The following ATP11A variants were observed in gnomAD, a reference collection of about 807,000 sequenced individuals.
The protein encoded by ATP11A is phospholipid-transporting ATPase IH.
Under a neutral mutation model 154.4 loss-of-function variants are expected in ATP11A, and 81 were observed. The observed-to-expected ratio is 0.52, with a 90% CI of 0.44 to 0.63. The LOEUF (loss-of-function observed/expected upper bound fraction) is 0.63, where lower values mean the gene tolerates loss of function less well. ATP11A is among the 30% of genes least tolerant of loss of function. The pLI is 0.00. For synonymous variants in ATP11A, 623 were observed against 585.9 expected (o/e 1.06, Z -0.91); for missense variants, 1,316 against 1,474.3 (o/e 0.89, Z 1.76).
At position 112,881,861 on chromosome 13, in the gene ATP11A, C is replaced by T; in HGVS notation, c.*10-15C>T. ...GGACCGCGACTCAGAATTCACCCCT[C>T]TTGCCTCTCTGCAGAGCCCAGGCTA... On this transcript the variant is annotated splice_polypyrimidine_tract_variant and intron_variant, in intron 29 of 29. Transcript: ENST00000375645. 1 of 1,367,778 alleles carries T rather than the reference C, an allele frequency of 7.3e-7. No homozygotes were observed. 84.7% of individuals were successfully genotyped at this position (1,367,778 alleles called of 1,614,324 possible).
rs758106118 is a variant in ATP11A, at chr13:112,859,886, T to C, written c.2728-401T>C. ...TTCCCATCCGGGAGGGGTGAAGGAC[T>C]CCCCGGGCATCTGCCCTAGATGGAC... is the stretch of plus-strand genomic sequence containing the variant. On this transcript the variant is annotated intron_variant, in intron 23 of 29. Coordinates refer to ENST00000375645, the MANE Select transcript of ATP11A (RefSeq NM_015205.3). The surrounding 1 kb of genome is among the most constrained non-coding windows in gnomAD (Gnocchi z 4.3). 9.9e-5 allele frequency among the ~76,000 whole-genome samples: 15 copies of C among 152,202 alleles called. No individual in the cohort carries two copies. Among genetic ancestry groups the C allele is most frequent in the Non-Finnish European group, 2.1e-4 (14 of 68,036 alleles).
intron 1 of ATP11A, among the ~76,000 whole-genome samples, chr13:112,694,721 C>T (rs1486073665): frequency 6.6e-6 from 1 of 152,140 alleles, no homozygotes; most frequent in African/African-American, 2.4e-5. Context: ...CCTGTCAGAG[C>T]TTCTGCTTGT....
chr13:112,877,333 G>C (rs573808428), intron 28 of ATP11A, among the ~76,000 whole-genome samples: 2 of 152,348 alleles, frequency 1.3e-5, no homozygotes, highest in East Asian at 3.9e-4. Flanking sequence ...CCGAGAAGCA[G>C]CTGTCCAGTG....
chr13:112,735,430 G>A (rs186476722), intron 1 of ATP11A, among the ~76,000 whole-genome samples: 1 of 152,312 alleles, frequency 6.6e-6, no homozygotes, highest in Admixed American at 6.5e-5. Flanking sequence ...ACCCACAGCC[G>A]TGATTTCTAC....
Position 112,696,945 on chromosome 13 carries a change from T to G in ATP11A, c.39+6490T>G, listed in dbSNP as rs1885902043. ...TGGGGTGCCCCGCAGGCGACGGTGC[T>G]GAGAAAAAGAGAGTGGGGTTGGGGG... On this transcript the variant is annotated intron_variant, in intron 1 of 29. Transcript: ENST00000375645. This position sits in a 1 kb window ranked among gnomAD's most constrained non-coding sequence, Gnocchi z 6.2. The G allele has an allele frequency of 6.6e-6, 1 of 151,880 alleles. No homozygotes were observed. 9.4% of individuals were successfully genotyped at this position (151,880 alleles called of 1,614,324 possible).
intron 1 of ATP11A, among the ~76,000 whole-genome samples, chr13:112,723,918 G>A (rs963946240): frequency 5.9e-5 from 9 of 152,102 alleles, no homozygotes; most frequent in African/African-American, 2.2e-4. Context: ...GGGAACGCTC[G>A]TGTCACACGG....
At chr13:112,815,079 T>G (rs1167374653) in intron 5 of ATP11A, among the ~76,000 whole-genome samples, 1 of 152,214 alleles carries the variant, frequency 6.6e-6, no homozygotes, top group Non-Finnish European at 1.5e-5. Context: ...CGAGTGGCAG[T>G]GAGACTGGCT....
chr13:112,722,208 T>A (rs538371032), intron 1 of ATP11A, among the ~76,000 whole-genome samples: 83 of 146,688 alleles, frequency 5.7e-4, no homozygotes, highest in Middle Eastern at 3.6e-3. Context: ...TAGGGAGACA[T>A]GAGACATCAA....
chr13:112,766,483 C>T (rs1380213629), intron 1 of ATP11A, among the ~76,000 whole-genome samples: 7 of 152,186 alleles, frequency 4.6e-5, no homozygotes, highest in African/African-American at 1.7e-4. Context: ...GTCCTCCCTG[C>T]AGAGCTGCGT....
At chr13:112,880,906 C>G in intron 29 of ATP11A, 1 of 994,554 alleles carries the variant, frequency 1.0e-6, no homozygotes, top group Non-Finnish European at 1.2e-6. Flanking sequence ...CTGACCAGAC[C>G]CAGCATCGTC....
intron 1 of ATP11A, among the ~76,000 whole-genome samples, chr13:112,706,021 GATTAGGGGCA>G (rs1887105165): frequency 6.6e-6 from 1 of 152,138 alleles, no homozygotes; most frequent in Admixed American, 6.5e-5. Flanking sequence ...AACTGAAACT[GATTAGGGGCA>G]ATTTTAAGTA....
At chr13:112,853,265 C>T (rs1356726260) in intron 18 of ATP11A, among the ~76,000 whole-genome samples, 1 of 151,604 alleles carries the variant, frequency 6.6e-6, no homozygotes, top group African/African-American at 2.4e-5. Flanking sequence ...TATATATGCA[C>T]ACACACATAT....
intron 1 of ATP11A, among the ~76,000 whole-genome samples, chr13:112,773,862 ACCTCCACCCTCCAC>A (rs529588190): frequency 3.3e-5 from 5 of 150,932 alleles, no homozygotes; most frequent in African/African-American, 9.9e-5. Context: ...TTTCCACGCC[ACCTCCACCCTCCAC>A]CCTCCACCCT....
intron 1 of ATP11A, among the ~76,000 whole-genome samples, chr13:112,714,212 C>T (rs185389820): frequency 1.5e-4 from 22 of 151,184 alleles, no homozygotes; most frequent in Non-Finnish European, 1.3e-4. Context: ...GTCTTGCACC[C>T]GCTCTCTTTC....
chr13:112,740,287 C>T (rs1163223954), intron 1 of ATP11A, among the ~76,000 whole-genome samples: 1 of 152,092 alleles, frequency 6.6e-6, no homozygotes, highest in Non-Finnish European at 1.5e-5. Flanking sequence ...AGTGATTCTC[C>T]TGCCTCAGCC....
At chr13:112,811,417 T>C (rs2078496876) in intron 5 of ATP11A, 1 of 151,980 alleles carries the variant, frequency 6.6e-6, no homozygotes, top group Non-Finnish European at 1.5e-5. Flanking sequence ...CACACCAGGA[T>C]TGGTGGAATT....
chr13:112,839,259 C>G (rs978962998), intron 16 of ATP11A, among the ~76,000 whole-genome samples: 2 of 151,796 alleles, frequency 1.3e-5, no homozygotes, highest in Admixed American at 6.6e-5. Flanking sequence ...AAGACCGACT[C>G]GAAAGAAGAA....
chr13:112,854,576 G>A (rs906663416), intron 19 of ATP11A, 46 bp downstream of exon 19: 2 of 1,574,492 alleles, frequency 1.3e-6, no homozygotes, highest in Non-Finnish European at 1.7e-6. Flanking sequence ...CCGCAAAAGG[G>A]GCTTCAGACC....
intron 1 of ATP11A, among the ~76,000 whole-genome samples, chr13:112,726,816 G>A (rs961391897): frequency 3.9e-5 from 6 of 152,172 alleles, no homozygotes; most frequent in Non-Finnish European, 7.3e-5. Context: ...CATGAGAAAG[G>A]TACAAGCAGA....
Sources: allele counts gnomAD v4.1 joint callset (sites outside exome capture counted in the v4.1 genomes callset), GRCh38; gene constraint gnomAD v4.1.1; non-coding constraint Gnocchi (gnomAD v3.1); transcripts MANE v1.5; gene names NCBI Gene and HGNC (gene_info 2026-07-23, HGNC 2026-07-21).